Variants in EXD2 observed in about 807,000 individuals in gnomAD.
EXD2 encodes exonuclease 3'-5' domain containing 2, also known as exonuclease 3'-5' domain-containing protein 2.
Under a neutral mutation model 62.5 loss-of-function variants are expected in EXD2, and 40 were observed. The ratio of observed to expected loss-of-function variants is 0.64; its 90% CI spans 0.50 to 0.83. EXD2 has a LOEUF of 0.83. Among genes scored for constraint, EXD2 ranks in the 40% least tolerant of loss-of-function variants. The pLI, the probability that EXD2 is intolerant of heterozygous loss-of-function variation, is 0.00. For synonymous variants in EXD2, 239 were observed against 291.9 expected (o/e 0.82, Z 1.85); for missense variants, 671 against 761.8 (o/e 0.88, Z 1.40).
chr14:69,236,365 G>A (rs937573986), intron 7 of EXD2, 42 bp from the exon 8 acceptor site: 13 of 1,613,600 alleles, frequency 8.1e-6, no homozygotes, highest in Non-Finnish European at 1.0e-5. Context: ...GTGGTGGTGG[G>A]GGCAGGGGGA....
intron 1 of EXD2, among the ~76,000 whole-genome samples, chr14:69,199,103 G>C (rs1439280311): frequency 6.6e-6 from 1 of 152,182 alleles, no homozygotes; most frequent in Non-Finnish European, 1.5e-5. Flanking sequence ...AAATAGTCTT[G>C]TGTGGTGGCA....
At chr14:69,220,725 C>T (rs1404022382) in intron 3 of EXD2, among the ~76,000 whole-genome samples, 3 of 151,598 alleles carry the variant, frequency 2.0e-5, no homozygotes, top group East Asian at 2.0e-4. Context: ...AAAAATTAGC[C>T]GGGCTTGGTT....
intron 1 of EXD2, among the ~76,000 whole-genome samples, chr14:69,201,379 G>A (rs2042392517): frequency 6.6e-6 from 1 of 151,872 alleles, no homozygotes; most frequent in South Asian, 2.1e-4. Context: ...ATTAAAGATG[G>A]GGTTTCACCA....
intron 3 of EXD2, among the ~76,000 whole-genome samples, chr14:69,225,687 G>A (rs930582041): frequency 2.0e-5 from 3 of 152,062 alleles, no homozygotes; most frequent in Non-Finnish European, 4.4e-5. Flanking sequence ...TAATAATGTT[G>A]ATAAGCCAAG....
At chr14:69,210,010 G>A (rs544335430) in intron 3 of EXD2, 3 of 432,710 alleles carry the variant, frequency 6.9e-6, no homozygotes, top group East Asian at 3.6e-5. Flanking sequence ...TTACAATTAT[G>A]TCAAACCTAT....
chr14:69,229,414 T>C (rs2043489200), intron 4 of EXD2, among the ~76,000 whole-genome samples: 1 of 152,206 alleles, frequency 6.6e-6, no homozygotes, highest in Non-Finnish European at 1.5e-5. Flanking sequence ...GAATATTTAA[T>C]GTAAAAATCT....
intron 6 of EXD2, 39 bp from the exon 7 acceptor site, chr14:69,236,007 T>C: frequency 6.6e-7 from 1 of 1,507,214 alleles, no homozygotes; most frequent in South Asian, 1.1e-5. Context: ...GACCCACAGT[T>C]AGCTTCCGGT....
chr14:69,242,154 AG>A lies in EXD2; in HGVS notation c.*1056del. ...GCGTTGTTTCATCTTTCAAAATGTT[AG>A]GCCATTACTTTGAGTATAAAATCGA... On this transcript the variant is annotated 3_prime_UTR_variant, in exon 10 of 10. Coordinates refer to ENST00000685843, the MANE Select transcript of EXD2 (RefSeq NM_001193360.2). 2.5e-6 allele frequency: 1 copy of A among 398,274 alleles called. No individual in the cohort carries two copies. Among genetic ancestry groups the A allele is most frequent in the Non-Finnish European group, 4.4e-6 (1 of 226,042 alleles). 24.7% of individuals were successfully genotyped at this position (398,274 alleles called of 1,614,324 possible). A position where few individuals can be genotyped will look rare whatever the true frequency, so the allele number is the denominator to read the frequency against.
intron 3 of EXD2, chr14:69,224,428 C>G (rs2043291888): frequency 6.6e-6 from 1 of 152,258 alleles, no homozygotes; most frequent in South Asian, 2.1e-4. Context: ...CAGGCTCTAC[C>G]TCCAACATTG....
At chr14:69,212,010 A>T (rs140618911) in intron 3 of EXD2, among the ~76,000 whole-genome samples, 157 of 152,274 alleles carry the variant, frequency 1.0e-3, no homozygotes, top group African/African-American at 3.5e-3. Flanking sequence ...GTCATAAAAA[A>T]CTCAATGAAA....
In EXD2 at chr14:69,203,986, A is replaced by G. The variant is rs1594732092; in HGVS notation, c.-62A>G. On this transcript the variant is annotated 5_prime_UTR_variant, in exon 2 of 10. The change abolishes the stop of an existing upstream ORF in the 5' untranslated region. Transcript: ENST00000685843. ...CTTAGAGAAGTTTGGCAAATTGGCT[A>G]AGTTCCTACAGCTAGTGAGTAACAG... is the stretch of plus-strand genomic sequence containing the variant. 6.6e-6 allele frequency: 1 copy of G among 152,246 alleles called. No homozygotes were observed. Among genetic ancestry groups the G allele is most frequent in the African/African-American group, 2.4e-5 (1 of 41,470 alleles). 9.4% of individuals were successfully genotyped at this position (152,246 alleles called of 1,614,324 possible).
intron 1 of EXD2, among the ~76,000 whole-genome samples, chr14:69,197,162 C>T (rs567204499): frequency 1.4e-4 from 22 of 152,230 alleles, no homozygotes; most frequent in African/African-American, 4.3e-4. Context: ...TTGAGGCTGT[C>T]GTGAGCTGTG....
At chr14:69,214,602 A>G (rs2042930908) in intron 3 of EXD2, among the ~76,000 whole-genome samples, 1 of 152,190 alleles carries the variant, frequency 6.6e-6, no homozygotes, top group Non-Finnish European at 1.5e-5. Flanking sequence ...CTGTGTAACT[A>G]GAAACTAGGT....
intron 4 of EXD2, among the ~76,000 whole-genome samples, chr14:69,229,455 T>C (rs34999390): frequency 0.31 from 47,513 of 152,064 alleles, 9,859 homozygotes; most frequent in East Asian, 0.92. Context: ...AATTAGGTAA[T>C]CTGACTACAC....
intron 5 of EXD2, among the ~76,000 whole-genome samples, chr14:69,233,214 T>C (rs1036338906): frequency 2.0e-5 from 3 of 152,150 alleles, no homozygotes; most frequent in African/African-American, 7.2e-5. Flanking sequence ...AGTCTGCTAA[T>C]AGATATGTAG....
chr14:69,205,506 A>T (rs928733466), intron 2 of EXD2, among the ~76,000 whole-genome samples: 1 of 152,078 alleles, frequency 6.6e-6, no homozygotes, highest in Non-Finnish European at 1.5e-5. Flanking sequence ...AATATTTTTC[A>T]TATCTAGAAT....
chr14:69,220,425 CA>C (rs1447339574), intron 3 of EXD2, among the ~76,000 whole-genome samples: 7 of 149,614 alleles, frequency 4.7e-5, no homozygotes, highest in Non-Finnish European at 1.0e-4. Context: ...CGCCCGCCAC[CA>C]TGCCCGGCTA....
intron 5 of EXD2, among the ~76,000 whole-genome samples, chr14:69,233,762 T>A (rs887538864): frequency 6.9e-6 from 1 of 145,596 alleles, no homozygotes; most frequent in African/African-American, 2.5e-5. Context: ...TTGACCACGC[T>A]ACTTTTTTTT....
chr14:69,231,027 C>A (rs2043557205), intron 5 of EXD2, among the ~76,000 whole-genome samples: 2 of 152,302 alleles, frequency 1.3e-5, no homozygotes, highest in South Asian at 4.1e-4. Flanking sequence ...TCAAGTGATC[C>A]ACCCACCTCA....
Sources: allele counts gnomAD v4.1 joint callset (sites outside exome capture counted in the v4.1 genomes callset), GRCh38; gene constraint gnomAD v4.1.1; transcripts MANE v1.5; gene names NCBI Gene and HGNC (gene_info 2026-07-23, HGNC 2026-07-21).